PIK3C2G: variants seen among roughly 807,000 people sequenced by gnomAD.
PIK3C2G encodes phosphatidylinositol 3-kinase C2 domain-containing subunit gamma.
In PIK3C2G, 168 loss-of-function variants were observed where a neutral mutation model predicts 181.1. The observed-to-expected ratio is 0.93, with a 90% CI of 0.82 to 1.05. PIK3C2G has a LOEUF of 1.05. Ranked by LOEUF, PIK3C2G falls within the 50% of genes least tolerant of loss-of-function variation. The pLI is 0.00. For missense variants in PIK3C2G, 1,869 were observed against 1,732.8 expected (o/e 1.08, Z -1.40); for synonymous variants, 573 against 592.2 (o/e 0.97, Z 0.47).
At chr12:18,419,082 A>T (rs564275485) in intron 16 of PIK3C2G, among the ~76,000 whole-genome samples, 1 of 152,322 alleles carries the variant, frequency 6.6e-6, no homozygotes, top group Admixed American at 6.5e-5. Flanking sequence ...CAGGTTGAAC[A>T]GTCTTCTAAG....
At chr12:18,284,342 G>A (rs1004346304) in intron 2 of PIK3C2G, among the ~76,000 whole-genome samples, 4 of 151,888 alleles carry the variant, frequency 2.6e-5, no homozygotes, top group African/African-American at 9.7e-5. Flanking sequence ...AAATAGATGT[G>A]GCCTAACAAC....
At chr12:18,425,159 T>A in intron 18 of PIK3C2G, 1 of 187,522 alleles carries the variant, frequency 5.3e-6, no homozygotes, top group African/African-American at 2.4e-5. Context: ...AGCCTTCTGC[T>A]GATGGAAGCA....
At chr12:18,675,711 T>C in the PIK3C2G span, among the ~76,000 whole-genome samples, 1 of 152,128 alleles carries the variant, frequency 6.6e-6, no homozygotes, top group Non-Finnish European at 1.5e-5. Context: ...AATAAAATTA[T>C]ATCTTTTGCA....
At chr12:18,545,046 T>C (rs895117638) in intron 25 of PIK3C2G, among the ~76,000 whole-genome samples, 23 of 151,880 alleles carry the variant, frequency 1.5e-4, no homozygotes, top group Non-Finnish European at 2.9e-5. Flanking sequence ...CTTACTCTCA[T>C]GTTAAAACAC....
chr12:18,509,983 T>C (rs1321612170), intron 24 of PIK3C2G, among the ~76,000 whole-genome samples: 1 of 152,108 alleles, frequency 6.6e-6, no homozygotes, highest in Non-Finnish European at 1.5e-5. Flanking sequence ...ATCTTCTTTT[T>C]TGGGGGACAT....
intron 1 of PIK3C2G, among the ~76,000 whole-genome samples, chr12:18,255,560 T>C (rs1948137678): frequency 6.6e-6 from 1 of 152,214 alleles, no homozygotes; most frequent in Non-Finnish European, 1.5e-5. Flanking sequence ...AACTGGTTGA[T>C]GGTGTGTGTG....
At chr12:18,705,209 G>C in the PIK3C2G span, 5 of 1,613,960 alleles carry the variant, frequency 3.1e-6, no homozygotes, top group Non-Finnish European at 4.2e-6. Context: ...AAGCATATCA[G>C]AAAGCAAGGA....
In PIK3C2G at chr12:18,338,547, A is replaced by G; in HGVS notation, c.1394A>G (p.Glu465Gly). 6.3e-7 allele frequency: 1 copy of G among 1,579,962 alleles called. No homozygotes were observed. Among genetic ancestry groups the G allele is most frequent in the Non-Finnish European group, 8.7e-7 (1 of 1,155,000 alleles). The change falls in exon 9 of 33, where the codon GAG becomes GGG. Residue 465 changes from glutamate (E) to glycine (G), a missense_variant and splice_region_variant. Glu to Gly is a moderately conservative substitution (Grantham distance 98). Transcript: ENST00000538779. The part of the protein sequence containing the change: ...ELSLILQRKG[E>G]NFYQSSETSA... ...AGTCTAATTCTTCAGAGAAAAGGAG[A>G]GGTAAGTACATTCATTTATTACACA...
At chr12:18,425,934 G>A (rs1945783843) in intron 18 of PIK3C2G, among the ~76,000 whole-genome samples, 1 of 152,088 alleles carries the variant, frequency 6.6e-6, no homozygotes, top group African/African-American at 2.4e-5. Flanking sequence ...AGAACTAATT[G>A]GATAAATAAC....
At chr12:18,602,875 T>C (rs914469569) in intron 30 of PIK3C2G, among the ~76,000 whole-genome samples, 22 of 152,012 alleles carry the variant, frequency 1.4e-4, no homozygotes, top group African/African-American at 5.1e-4. Context: ...CTGAACAACA[T>C]CCTTCAGCCC....
At chr12:18,484,463 G>C (rs1370993105) in intron 18 of PIK3C2G, among the ~76,000 whole-genome samples, 2 of 152,128 alleles carry the variant, frequency 1.3e-5, no homozygotes, top group African/African-American at 4.8e-5. Flanking sequence ...TTCCGAACTT[G>C]TTTCCTTTGT....
At position 18,462,331 on chromosome 12, in the gene PIK3C2G, G is replaced by A. The variant is rs530162049; in HGVS notation, c.2505-26118G>A. Among the ~76,000 whole-genome samples the A allele has an allele frequency of 6.6e-5, 10 of 152,066 alleles. No individual in the cohort carries two copies. The South Asian group carries it at 1.5e-3, about 22-fold the overall frequency. ...AATATTGGCTATTCACAGATACTAC[G>A]CAGAATAAAAAACAACCCTTTTATA... On this transcript the variant is annotated intron_variant, in intron 18 of 32. Transcript: ENST00000538779.
At chr12:18,647,246 C>T (rs1269190976) in intron 32 of PIK3C2G, among the ~76,000 whole-genome samples, 1 of 151,940 alleles carries the variant, frequency 6.6e-6, no homozygotes, top group Non-Finnish European at 1.5e-5. Context: ...AGAAATTGGT[C>T]TGTTTCATGG....
intron 10 of PIK3C2G, among the ~76,000 whole-genome samples, chr12:18,346,104 C>A (rs1274538941): frequency 1.3e-5 from 2 of 152,138 alleles, no homozygotes; most frequent in African/African-American, 2.4e-5. Context: ...CAGTAAACAT[C>A]ATAAATCTTT....
chr12:18,476,313 TTACCAAGGGTAG>T (rs1938986414), intron 18 of PIK3C2G, among the ~76,000 whole-genome samples: 1 of 152,168 alleles, frequency 6.6e-6, no homozygotes, highest in South Asian at 2.1e-4. Context: ...AAGATTCAAG[TTACCAAGGGTAG>T]TACTTTATGT....
At chr12:18,444,492 G>C (rs373147898) in intron 18 of PIK3C2G, among the ~76,000 whole-genome samples, 290 of 152,184 alleles carry the variant, frequency 1.9e-3, no homozygotes, top group African/African-American at 6.7e-3. Flanking sequence ...ACTTAATGGT[G>C]GTTTTGACCT....
At chr12:18,353,056 C>A (rs1940381457) in intron 11 of PIK3C2G, among the ~76,000 whole-genome samples, 1 of 152,180 alleles carries the variant, frequency 6.6e-6, no homozygotes, top group African/African-American at 2.4e-5. Context: ...CAGGTCCAAG[C>A]TTGAGGGTTT....
At chr12:18,724,402 A>T in the PIK3C2G span, among the ~76,000 whole-genome samples, 1 of 152,184 alleles carries the variant, frequency 6.6e-6, no homozygotes, top group Admixed American at 6.6e-5. Flanking sequence ...TATCACTAAC[A>T]AATAAAAAAA....
At chr12:18,488,961 A>G (rs1043067648) in intron 19 of PIK3C2G, among the ~76,000 whole-genome samples, 2 of 152,120 alleles carry the variant, frequency 1.3e-5, no homozygotes, top group Admixed American at 6.6e-5. Context: ...GGAGAAATAC[A>G]TGAGAAGTTT....
Sources: gnomAD v4.1 joint callset for allele counts (sites outside exome capture counted in the v4.1 genomes callset) on GRCh38, gnomAD v4.1.1 for gene constraint, MANE v1.5 for transcripts, NCBI Gene and HGNC (gene_info 2026-07-23, HGNC 2026-07-21) for gene names.